EPHA6: variants seen among roughly 807,000 people sequenced by gnomAD.
EPHA6 encodes ephrin type-A receptor 6.
EPHA6 carries 50 observed loss-of-function variants against 112.0 expected under a neutral mutation model. The observed-to-expected ratio is 0.45, with a 90% CI of 0.36 to 0.56. EPHA6 has a LOEUF of 0.56. EPHA6 is among the 20% of genes least tolerant of loss of function. The pLI, the probability that EPHA6 is intolerant of heterozygous loss-of-function variation, is 0.00. For missense variants in EPHA6, 1,280 were observed against 1,417.4 expected (o/e 0.90, Z 1.56); for synonymous variants, 529 against 490.7 (o/e 1.08, Z -1.03).
chr3:97,194,081 A>G (rs1024969208), intron 3 of EPHA6, among the ~76,000 whole-genome samples: 1 of 151,444 alleles, frequency 6.6e-6, no homozygotes, highest in African/African-American at 2.4e-5. Flanking sequence ...TTCTTCTCTG[A>G]TCCTTATTAT....
intron 10 of EPHA6, among the ~76,000 whole-genome samples, chr3:97,527,998 C>T (rs1026600854): frequency 4.0e-5 from 6 of 151,864 alleles, no homozygotes; most frequent in Admixed American, 1.3e-4. Flanking sequence ...TCTTAGGACT[C>T]GCACCATAGT....
intron 14 of EPHA6, among the ~76,000 whole-genome samples, chr3:97,698,232 C>A (rs879789659): frequency 3.3e-5 from 5 of 152,292 alleles, no homozygotes; most frequent in Non-Finnish European, 7.3e-5. Flanking sequence ...GAACTCCTGA[C>A]CTCAGGTCTG....
intron 3 of EPHA6, among the ~76,000 whole-genome samples, chr3:97,083,222 A>G (rs1400199272): frequency 2.0e-5 from 3 of 151,944 alleles, no homozygotes; most frequent in African/African-American, 7.2e-5. Flanking sequence ...ACATGTTTCT[A>G]CTTCCACTTC....
intron 4 of EPHA6, among the ~76,000 whole-genome samples, chr3:97,243,461 AT>A (rs2108580548): frequency 1.3e-5 from 2 of 151,924 alleles, no homozygotes; most frequent in Admixed American, 1.3e-4. Context: ...TGGGAAACAG[AT>A]TTTTAGTGAT....
Position 97,570,740 on chromosome 3 carries a change from A to C in EPHA6, c.2387-21872A>C, listed in dbSNP as rs998397029. On this transcript the variant is annotated intron_variant, in intron 11 of 17. Coordinates refer to ENST00000389672, the MANE Select transcript of EPHA6 (RefSeq NM_001080448.3). The stretch of plus-strand genomic sequence containing the variant: ...TGAGACTCTGTTTCAAAAAAAAAAA[A>C]AGTATTATGGAAGCTTTAAATGTTA... Among the ~76,000 whole-genome samples the C allele has an allele frequency of 2.2e-4, 34 of 152,282 alleles. 1 individual carries two copies. The highest frequency in any genetic ancestry group is 2.0e-3 in the Admixed American group (31 of 15,302).
intron 5 of EPHA6, among the ~76,000 whole-genome samples, chr3:97,264,195 T>TGGCTTC (rs2079596825): frequency 1.3e-5 from 2 of 152,232 alleles, no homozygotes; most frequent in Admixed American, 6.5e-5. Flanking sequence ...CCCACTAGGC[T>TGGCTTC]CATTCCATCC....
At chr3:97,108,318 T>C (rs1316081225) in intron 3 of EPHA6, among the ~76,000 whole-genome samples, 2 of 152,180 alleles carry the variant, frequency 1.3e-5, no homozygotes, top group Non-Finnish European at 2.9e-5. Flanking sequence ...AATCAATCAA[T>C]GGATGCCAAA....
At chr3:97,564,787 T>A (rs946784710) in intron 11 of EPHA6, among the ~76,000 whole-genome samples, 1 of 152,172 alleles carries the variant, frequency 6.6e-6, no homozygotes, top group Non-Finnish European at 1.5e-5. Flanking sequence ...TAATGTTAAA[T>A]TGAAAAACAA....
chr3:97,281,012 T>A (rs552099445), intron 5 of EPHA6, among the ~76,000 whole-genome samples: 1 of 152,336 alleles, frequency 6.6e-6, no homozygotes, highest in East Asian at 1.9e-4. Context: ...CATAGTTCAG[T>A]CACTTGGCAT....
intron 3 of EPHA6, among the ~76,000 whole-genome samples, chr3:97,215,889 G>T (rs1343973272): frequency 6.6e-6 from 1 of 152,068 alleles, no homozygotes; most frequent in Non-Finnish European, 1.5e-5. Context: ...GAAGGTAAAA[G>T]CTTTTTGTTA....
At chr3:97,570,582 T>G (rs1259582230) in intron 11 of EPHA6, among the ~76,000 whole-genome samples, 1 of 151,954 alleles carries the variant, frequency 6.6e-6, no homozygotes, top group African/African-American at 2.4e-5. Flanking sequence ...ATACAAAAAT[T>G]AGCTGGGCAT....
At position 97,744,135 on chromosome 3, in the gene EPHA6, T is replaced by C. The variant is rs545066674; in HGVS notation, c.3129-3288T>C. ...AATCTAAATTAACCATAATTTTACC[T>C]GAAATATCCTAATTCTAGCCCCATT... On this transcript the variant is annotated intron_variant, in intron 16 of 17. Coordinates refer to ENST00000389672, the MANE Select transcript of EPHA6 (RefSeq NM_001080448.3). 2.6e-5 allele frequency among the ~76,000 whole-genome samples: 4 copies of C among 152,136 alleles called. No homozygotes were observed. In the South Asian group the frequency reaches 8.3e-4, roughly 32 times the overall value.
intron 5 of EPHA6, among the ~76,000 whole-genome samples, chr3:97,301,755 A>C (rs1016870178): frequency 1.2e-4 from 19 of 152,140 alleles, no homozygotes; most frequent in Non-Finnish European, 1.8e-4. Flanking sequence ...CTTTATTTAG[A>C]CTATTAACTA....
chr3:97,060,437 CT>C (rs1559701132), intron 3 of EPHA6, among the ~76,000 whole-genome samples: 2 of 152,224 alleles, frequency 1.3e-5, no homozygotes, highest in East Asian at 3.9e-4. Flanking sequence ...TGAGAACTTA[CT>C]TTTAATTAAC....
chr3:97,627,442 G>A (rs1208254861), intron 13 of EPHA6, among the ~76,000 whole-genome samples: 1 of 151,714 alleles, frequency 6.6e-6, no homozygotes, highest in African/African-American at 2.4e-5. Flanking sequence ...ATTAGAAGAA[G>A]GTAAGGGAGC....
At chr3:97,076,344 A>G (rs2046524958) in intron 3 of EPHA6, among the ~76,000 whole-genome samples, 1 of 152,188 alleles carries the variant, frequency 6.6e-6, no homozygotes, top group Non-Finnish European at 1.5e-5. Flanking sequence ...ATAGAAGATC[A>G]AACCAGCCAC....
chr3:97,617,903 C>T (rs1382207338), intron 13 of EPHA6, among the ~76,000 whole-genome samples: 2 of 152,084 alleles, frequency 1.3e-5, no homozygotes, highest in Non-Finnish European at 2.9e-5. Context: ...ATATTCAGGA[C>T]CTGAACTCAG....
intron 13 of EPHA6, among the ~76,000 whole-genome samples, chr3:97,626,244 G>T (rs1175043321): frequency 6.6e-6 from 1 of 151,714 alleles, no homozygotes; most frequent in Non-Finnish European, 1.5e-5. Context: ...CCAGTTATAT[G>T]TGCTAGTTGT....
intron 1 of EPHA6, among the ~76,000 whole-genome samples, chr3:96,851,517 A>G (rs1018533337): frequency 6.6e-6 from 1 of 152,166 alleles, no homozygotes; most frequent in Non-Finnish European, 1.5e-5. Flanking sequence ...GAACCAGGTG[A>G]CTAAGGTCCC....
Sources: allele counts gnomAD v4.1 joint callset (sites outside exome capture counted in the v4.1 genomes callset), GRCh38; gene constraint gnomAD v4.1.1; transcripts MANE v1.5; gene names NCBI Gene and HGNC (gene_info 2026-07-23, HGNC 2026-07-21).